TNFSF11: variants seen among roughly 807,000 people sequenced by gnomAD.
The protein encoded by TNFSF11 is TNF superfamily member 11.
TNFSF11 carries 12 observed loss-of-function variants against 32.2 expected under a neutral mutation model. The observed-to-expected ratio is 0.37, with a 90% CI of 0.24 to 0.60. The LOEUF is 0.60. TNFSF11 is among the 20% of genes least tolerant of loss of function. The probability of loss-of-function intolerance (pLI) is 0.66; values close to 1 mark genes in which losing one functional copy is unlikely to be tolerated. For missense variants in TNFSF11, 345 were observed against 398.0 expected, an observed-to-expected ratio of 0.87 and a Z score of 1.13; for synonymous variants, 172 against 152.1, an observed-to-expected ratio of 1.13 and a Z score of -0.96.
At chr13:42,596,630 C>G (rs966905814) in intron 2 of TNFSF11, among the ~76,000 whole-genome samples, 11 of 152,186 alleles carry the variant, frequency 7.2e-5, no homozygotes, top group African/African-American at 2.7e-4. Context: ...TTATAGTTTT[C>G]CAGGCTCTGA....
At chr13:42,573,613 C>T (rs1448320792), upstream of TNFSF11, among the ~76,000 whole-genome samples, 1 of 152,142 alleles carries the variant, frequency 6.6e-6, no homozygotes, top group East Asian at 1.9e-4. Flanking sequence ...CGCTCAATGT[C>T]ACCTTCAAGA....
In TNFSF11 at chr13:42,581,260, A is replaced by G. The variant is rs201596596; in HGVS notation, c.354A>G (p.Arg118=). 39 of 1,613,972 alleles carry G rather than the reference A, an allele frequency of 2.4e-5. No homozygotes were observed. The highest frequency in any genetic ancestry group is 2.8e-5 in the Non-Finnish European group (33 of 1,179,964). Residue 118 remains arginine (R), a synonymous_variant, in exon 2 of 5, where the codon AGA becomes AGG. Transcript: ENST00000398795. ...DTKLIPDSCR[R]IKQAFQGAVQ... is the part of the protein sequence containing the mutation. ...AATTAATACCTGATTCATGTAGGAG[A>G]ATTAAACAGGCCTTTCAAGGAGCTG...
Position 42,582,602 on chromosome 13 carries a change from G to A in TNFSF11, c.387+1309G>A, listed in dbSNP as rs116843878. The stretch of plus-strand genomic sequence containing the variant: ...TATGGAATGCATGAAGTACCTATTA[G>A]TTTAATGTGTCTATAAGAAAACACA... On this transcript the variant is annotated intron_variant, in intron 2 of 4. Transcript: ENST00000398795. 1.6e-3 allele frequency among the ~76,000 whole-genome samples: 238 copies of A among 152,280 alleles called. 1 individual carries two copies. The East Asian group carries it at 0.042, about 27-fold the overall frequency.
chr13:42,605,646 G>T (rs564822692), intron 4 of TNFSF11, among the ~76,000 whole-genome samples: 113 of 152,322 alleles, frequency 7.4e-4, no homozygotes, highest in African/African-American at 2.2e-3. Context: ...CCTCATTTCA[G>T]GGGTGAGTAG....
chr13:42,587,603 A>G lies in TNFSF11; in HGVS notation c.387+6310A>G, dbSNP rs148439459. Among the ~76,000 whole-genome samples the G allele has an allele frequency of 2.7e-3, 412 of 152,366 alleles. 2 individuals carry two copies. The highest frequency in any genetic ancestry group is 9.4e-3 in the African/African-American group (389 of 41,590). The stretch of plus-strand genomic sequence containing the variant: ...TTTGAAAGTAGATTCAACAGCATTC[A>G]TCTTTTTGAGGAAGTTTCAAAGGTC... On this transcript the variant is annotated intron_variant, in intron 2 of 4. Coordinates refer to ENST00000398795, the MANE Select transcript of TNFSF11 (RefSeq NM_003701.4).
intron 1 of TNFSF11, among the ~76,000 whole-genome samples, chr13:42,575,953 C>A (rs1007408723): frequency 6.6e-6 from 1 of 152,294 alleles, no homozygotes; most frequent in South Asian, 2.1e-4. Context: ...GGAGTGCCAG[C>A]GTTGTGCGTG....
intron 4 of TNFSF11, among the ~76,000 whole-genome samples, chr13:42,602,625 G>A (rs1215465608): frequency 6.6e-6 from 1 of 152,178 alleles, no homozygotes; most frequent in Non-Finnish European, 1.5e-5. Flanking sequence ...TTGTGGTGGA[G>A]CTACACTAAT....
intron 1 of TNFSF11, among the ~76,000 whole-genome samples, chr13:42,578,428 C>T (rs542084300): frequency 3.0e-4 from 45 of 152,282 alleles, no homozygotes; most frequent in African/African-American, 1.0e-3. Context: ...TCCTAGTCTC[C>T]ATTTTCAGGA....
intron 1 of TNFSF11, among the ~76,000 whole-genome samples, chr13:42,577,714 C>T (rs1873391703): frequency 6.6e-6 from 1 of 152,164 alleles, no homozygotes; most frequent in African/African-American, 2.4e-5. Context: ...CCCAGGACAG[C>T]AGTCACTACT....
In TNFSF11 at chr13:42,574,186, G is replaced by C; in HGVS notation, c.-118G>C. On this transcript the variant is annotated 5_prime_UTR_variant, in exon 1 of 5. Transcript: ENST00000398795. ...CCCGCGCGCCCCAGGACCCAAAGCC[G>C]GGCTCCAAGTCGGCGCCCCACGTCG... 1 of 1,395,966 alleles carries C rather than the reference G, an allele frequency of 7.2e-7. No individual in the cohort carries two copies. Among genetic ancestry groups the C allele is most frequent in the Non-Finnish European group, 9.8e-7 (1 of 1,016,104 alleles). The allele number at this position is 1,395,966 out of a possible 1,614,324, so 86.5% of individuals were successfully genotyped here.
At chr13:42,601,328 A>C (rs1869162339) in intron 4 of TNFSF11, among the ~76,000 whole-genome samples, 3 of 152,216 alleles carry the variant, frequency 2.0e-5, no homozygotes, top group South Asian at 4.1e-4. Context: ...CTGACCTCAG[A>C]GGTGAATGAA....
rs200187331 is a variant in TNFSF11 at position 42,607,240 on chromosome 13, C to G, written c.*322C>G. 1.1e-5 allele frequency: 3 copies of G among 262,804 alleles called. No individual in the cohort carries two copies. Among genetic ancestry groups the G allele is most frequent in the Non-Finnish European group, 2.2e-5 (3 of 137,520 alleles). 16.3% of individuals were successfully genotyped at this position (262,804 alleles called of 1,614,324 possible). ...GAGGGGTTGGTCCCTGGTCATGTGCCCCTTCGCAGCTGAAGTGGAGAGGGT... is the reference window on the plus strand; with the variant it reads ...GAGGGGTTGGTCCCTGGTCATGTGCGCCTTCGCAGCTGAAGTGGAGAGGGT... On this transcript the variant is annotated 3_prime_UTR_variant, in exon 5 of 5. Coordinates refer to ENST00000398795, the MANE Select transcript of TNFSF11 (RefSeq NM_003701.4).
intron 1 of TNFSF11, among the ~76,000 whole-genome samples, chr13:42,577,555 A>ATG (rs1873383426): frequency 1.3e-5 from 2 of 152,172 alleles, no homozygotes; most frequent in Non-Finnish European, 2.9e-5. Flanking sequence ...GTGCATGTGT[A>ATG]TGTGTCTTTA....
chr13:42,595,046 A>G (rs995231964), intron 2 of TNFSF11, among the ~76,000 whole-genome samples: 7 of 152,210 alleles, frequency 4.6e-5, no homozygotes, highest in African/African-American at 2.4e-5. Context: ...AAATACCACA[A>G]TGAGAAGATT....
At chr13:42,584,567 G>A (rs188978936) in intron 2 of TNFSF11, among the ~76,000 whole-genome samples, 49 of 152,296 alleles carry the variant, frequency 3.2e-4, no homozygotes, top group African/African-American at 1.0e-3. Flanking sequence ...GTATGTAAAG[G>A]TGTTAGTGAG....
In TNFSF11 at chr13:42,606,485, T is replaced by C; in HGVS notation, c.533-12T>C. 6.2e-7 allele frequency: 1 copy of C among 1,614,246 alleles called. No individual in the cohort carries two copies. The highest frequency in any genetic ancestry group is 1.3e-5 in the African/African-American group (1 of 75,072). The stretch of plus-strand genomic sequence containing the variant: ...GACTGACTTTCAAATCTTATGCCTC[T>C]CTTCTCCACAGGTTCCCATAAAGTG... On this transcript the variant is annotated splice_polypyrimidine_tract_variant and intron_variant, in intron 4 of 4. Transcript: ENST00000398795.
At chr13:42,577,048 A>G (rs1179394307) in intron 1 of TNFSF11, among the ~76,000 whole-genome samples, 2 of 152,224 alleles carry the variant, frequency 1.3e-5, no homozygotes, top group Non-Finnish European at 2.9e-5. Flanking sequence ...CAAATAAATC[A>G]GTAGTTTTTT....
At chr13:42,594,703 G>A (rs1868703283) in intron 2 of TNFSF11, among the ~76,000 whole-genome samples, 1 of 152,150 alleles carries the variant, frequency 6.6e-6, no homozygotes, top group African/African-American at 2.4e-5. Flanking sequence ...CTTAAGTTTG[G>A]CAAATATCCT....
At chr13:42,598,537 A>C (rs187919490) in intron 2 of TNFSF11, among the ~76,000 whole-genome samples, 2 of 152,180 alleles carry the variant, frequency 1.3e-5, no homozygotes, top group Admixed American at 1.3e-4. Flanking sequence ...AGAAACTGCT[A>C]TCAAGGCATG....
Sources: gnomAD v4.1 joint callset for allele counts (sites outside exome capture counted in the v4.1 genomes callset) on GRCh38, gnomAD v4.1.1 for gene constraint, MANE v1.5 for transcripts, NCBI Gene and HGNC (gene_info 2026-07-23, HGNC 2026-07-21) for gene names.